Variants in FMO3 observed in about 807,000 individuals in gnomAD.
FMO3 encodes the protein flavin containing dimethylaniline monoxygenase 3.
FMO3 carries 40 observed loss-of-function variants against 39.4 expected under a neutral mutation model. The ratio of observed to expected loss-of-function variants is 1.02; its 90% confidence interval spans 0.79 to 1.32. FMO3 has a LOEUF of 1.32. Among genes scored for constraint, FMO3 ranks in the 40% most tolerant of loss-of-function variants. The pLI is 0.00. For missense variants in FMO3, 680 were observed against 651.8 expected (o/e 1.04, Z -0.47); for synonymous variants, 219 against 228.8 (o/e 0.96, Z 0.39).
At chr1:171,114,933 A>G (rs1656076114) in intron 7 of FMO3, among the ~76,000 whole-genome samples, 1 of 152,224 alleles carries the variant, frequency 6.6e-6, no homozygotes, top group Non-Finnish European at 1.5e-5. Context: ...AGTGTAGTAG[A>G]TGATCAGTCT....
At chr1:171,106,005 C>T (rs1328890300) in intron 3 of FMO3, among the ~76,000 whole-genome samples, 2 of 151,580 alleles carry the variant, frequency 1.3e-5, no homozygotes, top group African/African-American at 4.8e-5. Flanking sequence ...TATACAAAAA[C>T]TTTCCAACTC....
intron 1 of FMO3, among the ~76,000 whole-genome samples, chr1:171,091,218 C>T (rs747842942): frequency 1.3e-5 from 2 of 149,988 alleles, no homozygotes; most frequent in East Asian, 2.0e-4. Flanking sequence ...AGCGAAACTC[C>T]GTCTCAAAAA....
chr1:171,093,523 A>C (rs1408006283), intron 2 of FMO3, among the ~76,000 whole-genome samples: 1 of 151,722 alleles, frequency 6.6e-6, no homozygotes, highest in Non-Finnish European at 1.5e-5. Context: ...ATATATGTAT[A>C]TGCGTCTGTG....
Position 171,117,459 on chromosome 1 carries a change from G to C in FMO3, c.*17G>C. ...TTGACCTAATCATCATTTTCTCTAG[G>C]ATTTCTGAAAGTTACTGACAATACC... is the stretch of plus-strand genomic sequence containing the variant. On this transcript the variant is annotated 3_prime_UTR_variant, in exon 9 of 9. Coordinates refer to ENST00000367755, the MANE Select transcript of FMO3 (RefSeq NM_001002294.3). The C allele has an allele frequency of 2.5e-6, 4 of 1,606,008 alleles. No homozygotes were observed. The highest frequency in any genetic ancestry group is 3.4e-6 in the Non-Finnish European group (4 of 1,173,876).
chr1:171,092,146 G>A (rs1031080087), intron 1 of FMO3, among the ~76,000 whole-genome samples: 3 of 152,080 alleles, frequency 2.0e-5, no homozygotes, highest in African/African-American at 7.2e-5. Context: ...TAAAAACAAA[G>A]TGCTTATTTT....
At chr1:171,102,976 T>C (rs1436402774) in intron 2 of FMO3, among the ~76,000 whole-genome samples, 1 of 152,218 alleles carries the variant, frequency 6.6e-6, no homozygotes, top group East Asian at 1.9e-4. Context: ...ATTTTATACA[T>C]TATAGAAATT....
At chr1:171,110,469 A>C (rs999370020) in intron 5 of FMO3, among the ~76,000 whole-genome samples, 1 of 152,282 alleles carries the variant, frequency 6.6e-6, no homozygotes, top group African/African-American at 2.4e-5. Context: ...CAATACTTCC[A>C]CAGGAAGGGA....
chr1:171,102,262 T>A lies in FMO3; in HGVS notation c.133-1523T>A, dbSNP rs536683465. Among the ~76,000 whole-genome samples the A allele has an allele frequency of 2.6e-5, 4 of 152,332 alleles. No individual in the cohort carries two copies. The East Asian group carries it at 7.7e-4, about 29-fold the overall frequency. ...GGAGCCCTGACAACTTTCAGTTAGA[T>A]GAGCTCTAATTAGAAGTTTCTAGTG... On this transcript the variant is annotated intron_variant, in intron 2 of 8. Transcript: ENST00000367755.
At chr1:171,110,345 C>G (rs775350901) in intron 5 of FMO3, among the ~76,000 whole-genome samples, 1 of 152,068 alleles carries the variant, frequency 6.6e-6, no homozygotes, top group African/African-American at 2.4e-5. Context: ...TATTAGTCAC[C>G]TGTAGCAGAG....
chr1:171,104,932 A>C (rs934544108), intron 3 of FMO3, among the ~76,000 whole-genome samples: 4 of 152,140 alleles, frequency 2.6e-5, no homozygotes, highest in Non-Finnish European at 2.9e-5. Flanking sequence ...AAAATAATCA[A>C]AGGCACAAAT....
intron 2 of FMO3, chr1:171,101,825 C>T (rs753714846): frequency 2.1e-6 from 1 of 479,180 alleles, no homozygotes; most frequent in Admixed American, 2.2e-5. Context: ...AGGAGCTCCC[C>T]AAACAATAAA....
chr1:171,113,373 T>A (rs911650863), intron 6 of FMO3, among the ~76,000 whole-genome samples: 10 of 152,176 alleles, frequency 6.6e-5, no homozygotes, highest in African/African-American at 2.4e-4. Flanking sequence ...TCTGTCTGCA[T>A]GGGGCTCATA....
chr1:171,101,402 T>C (rs1028345008), intron 2 of FMO3, among the ~76,000 whole-genome samples: 2 of 152,210 alleles, frequency 1.3e-5, no homozygotes, highest in Admixed American at 6.5e-5. Flanking sequence ...TTGCAAATGA[T>C]GGAGCAAACA....
intron 3 of FMO3, among the ~76,000 whole-genome samples, chr1:171,106,543 CAAGAT>C (rs1655647018): frequency 6.6e-6 from 1 of 152,072 alleles, no homozygotes; most frequent in South Asian, 2.1e-4. Flanking sequence ...AGTTTCAGAA[CAAGAT>C]AAGAATTCCT....
intron 5 of FMO3, among the ~76,000 whole-genome samples, chr1:171,109,249 C>T (rs894364057): frequency 1.3e-5 from 2 of 152,024 alleles, no homozygotes; most frequent in Non-Finnish European, 2.9e-5. Context: ...CCAAAGCTTC[C>T]GAATCCAAGG....
At chr1:171,105,975 G>C (rs1348153660) in intron 3 of FMO3, among the ~76,000 whole-genome samples, 1 of 151,408 alleles carries the variant, frequency 6.6e-6, no homozygotes, top group Non-Finnish European at 1.5e-5. Context: ...ACAAAACTGA[G>C]ATGTGCTATA....
At position 171,104,057 on chromosome 1, in the gene FMO3, G is replaced by T; in HGVS notation, c.321+84G>T. On this transcript the variant is annotated intron_variant, in intron 3 of 8. Transcript: ENST00000367755. Reference sequence around the variant, plus strand: ...ACTGGATTCTCATTTGTTCCTTTCAGTTTCCCTTTCTAATTTGTCAACATT... The same window carrying T: ...ACTGGATTCTCATTTGTTCCTTTCATTTTCCCTTTCTAATTTGTCAACATT... 3.9e-6 allele frequency: 4 copies of T among 1,034,972 alleles called. No homozygotes were observed. In the South Asian group the frequency reaches 5.2e-5, roughly 14 times the overall value. 64.1% of individuals were successfully genotyped at this position (1,034,972 alleles called of 1,614,324 possible). A position where few individuals can be genotyped will look rare whatever the true frequency, so the allele number is the denominator to read the frequency against.
At chr1:171,110,670 G>A in intron 5 of FMO3, 128 bp from the exon 6 acceptor site, 1 of 846,544 alleles carries the variant, frequency 1.2e-6, no homozygotes, top group South Asian at 1.4e-5. Flanking sequence ...ACAGCTGAGA[G>A]ATGTCTTCTG....
chr1:171,098,066 G>A (rs1248347884), intron 2 of FMO3, among the ~76,000 whole-genome samples: 1 of 152,068 alleles, frequency 6.6e-6, no homozygotes, highest in Non-Finnish European at 1.5e-5. Context: ...CCCATTTCTT[G>A]TTTTTGTCAG....
Sources: gnomAD v4.1 joint callset for allele counts (sites outside exome capture counted in the v4.1 genomes callset) on GRCh38, gnomAD v4.1.1 for gene constraint, MANE v1.5 for transcripts, NCBI Gene and HGNC (gene_info 2026-07-23, HGNC 2026-07-21) for gene names.